Variants in PCID2 observed in about 807,000 individuals in gnomAD.
The protein encoded by PCID2 is PCI domain-containing protein 2.
In PCID2, 41 loss-of-function variants were observed where a neutral mutation model predicts 61.3. That is an observed-to-expected ratio of 0.67 (90% confidence interval 0.52 to 0.87). The LOEUF (loss-of-function observed/expected upper bound fraction) is 0.87, where lower values mean the gene tolerates loss of function less well. Among genes scored for constraint, PCID2 ranks in the 40% least tolerant of loss-of-function variants. The probability of loss-of-function intolerance (pLI) is 0.00; values close to 1 mark genes in which losing one functional copy is unlikely to be tolerated. For synonymous variants in PCID2, 187 were observed against 177.8 expected, an observed-to-expected ratio of 1.05 and a Z score of -0.41; for missense variants, 392 against 493.4, an observed-to-expected ratio of 0.79 and a Z score of 1.95.
rs894155810 is a variant in PCID2, at chr13:113,179,825, T to G, written c.986+92A>C. On this transcript the variant is annotated intron_variant, in intron 12 of 13. Coordinates refer to ENST00000337344, the MANE Select transcript of PCID2 (RefSeq NM_001127202.4). The surrounding 1 kb of genome is among the most constrained non-coding windows in gnomAD (Gnocchi z 4.3). ...GAAGATAACGACCCCACCCACACGG[T>G]GGCCTTCTCTCTTAGACTGCAACAG... is the stretch of plus-strand genomic sequence containing the variant. The G allele has an allele frequency of 3.9e-6, 5 of 1,282,754 alleles. No homozygotes were observed. In the African/African-American group the frequency reaches 7.5e-5, roughly 19 times the overall value. The allele number at this position is 1,282,754 out of a possible 1,614,324, so 79.5% of individuals were successfully genotyped here.
intron 2 of PCID2, among the ~76,000 whole-genome samples, chr13:113,199,060 T>C (rs574571070): frequency 1.3e-5 from 2 of 152,338 alleles, no homozygotes; most frequent in South Asian, 2.1e-4. Flanking sequence ...TTTTAGATAA[T>C]CTGAACATCT....
chr13:113,207,907 A>G lies in PCID2; in HGVS notation c.36+692T>C, dbSNP rs113880187. ...CAAATATTTTAAAAATCCATTCCCT[A>G]TATTTCCTATCCCTGTTACCACAGT... On this transcript the variant is annotated intron_variant, in intron 1 of 13. Transcript: ENST00000337344. The G allele has an allele frequency of 5.3e-3, 4,855 of 909,988 alleles. 130 individuals carry two copies. The African/African-American group carries it at 0.064, about 12-fold the overall frequency. 56.4% of individuals were successfully genotyped at this position (909,988 alleles called of 1,614,324 possible). A position where few individuals can be genotyped will look rare whatever the true frequency, so the allele number is the denominator to read the frequency against.
intron 7 of PCID2, chr13:113,186,872 A>G (rs2038161535): frequency 6.6e-6 from 1 of 152,264 alleles, no homozygotes; most frequent in African/African-American, 2.4e-5. Context: ...ACAAAAATAC[A>G]AAAGTGCCCA....
intron 1 of PCID2, among the ~76,000 whole-genome samples, chr13:113,205,563 G>A (rs2039746042): frequency 6.6e-6 from 1 of 152,210 alleles, no homozygotes; most frequent in South Asian, 2.1e-4. Flanking sequence ...CACAGCAGCA[G>A]CACAACAGCC....
intron 9 of PCID2, chr13:113,183,706 A>AAG (rs752950775): frequency 1.2e-5 from 11 of 947,742 alleles, no homozygotes; most frequent in Non-Finnish European, 1.4e-5. Context: ...AGCACAAGAG[A>AAG]AGAGATCACC....
downstream of PCID2, among the ~76,000 whole-genome samples, chr13:113,173,955 G>A (rs1411100143): frequency 4.6e-5 from 7 of 152,018 alleles, no homozygotes; most frequent in South Asian, 4.2e-4. Flanking sequence ...CAGTCCAGGC[G>A]CAGTAGCTCA....
intron 1 of PCID2, among the ~76,000 whole-genome samples, chr13:113,201,418 C>T (rs760488230): frequency 2.7e-4 from 41 of 152,292 alleles, no homozygotes; most frequent in African/African-American, 7.9e-4. Context: ...CGCAGAACGT[C>T]GGGTGGAGAC....
Position 113,179,941 on chromosome 13 carries a change from GTGA to G in PCID2, c.959_961del (p.Ile320del), listed in dbSNP as rs1339631956. The G allele has an allele frequency of 6.2e-7, 1 of 1,613,586 alleles. No individual in the cohort carries two copies. The highest frequency in any genetic ancestry group is 8.5e-7 in the Non-Finnish European group (1 of 1,179,838). On this transcript the variant is annotated inframe_deletion, in exon 12 of 14. Transcript: ENST00000337344. The surrounding 1 kb of genome is among the most constrained non-coding windows in gnomAD (Gnocchi z 4.3). ...CACTTTCTTAAAGAGGTTCCTGTAG[GTGA>G]TGATCTTCAGCTTCTCCAGGATGAG...
chr13:113,208,386 G>T lies in PCID2; in HGVS notation c.36+213C>A. 2.8e-6 allele frequency: 4 copies of T among 1,439,312 alleles called. No individual in the cohort carries two copies. In the South Asian group the frequency reaches 4.4e-5, roughly 16 times the overall value. 89.2% of individuals were successfully genotyped at this position (1,439,312 alleles called of 1,614,324 possible). On this transcript the variant is annotated intron_variant, in intron 1 of 13. Coordinates refer to ENST00000337344, the MANE Select transcript of PCID2 (RefSeq NM_001127202.4). ...CTCCGCGATCCACGGACACCGCCCG[G>T]CCCCCACGGCGGCCCTGCAGGGGAG...
At chr13:113,171,865 T>C in the PCID2 span, 3 of 1,613,532 alleles carry the variant, frequency 1.9e-6, no homozygotes, top group Non-Finnish European at 2.5e-6. The surrounding 1 kb of genome is among the most constrained non-coding windows in gnomAD (Gnocchi z 5.1). Flanking sequence ...CTGTCACACT[T>C]GTGGAGGGGG....
At chr13:113,191,606 T>A (rs79546648) in intron 6 of PCID2, among the ~76,000 whole-genome samples, 18 of 152,268 alleles carry the variant, frequency 1.2e-4, no homozygotes, top group African/African-American at 4.1e-4. Flanking sequence ...ATAAAAACGT[T>A]TAACAAATAT....
At chr13:113,171,685 C>T in the PCID2 span, 1 of 1,613,928 alleles carries the variant, frequency 6.2e-7, no homozygotes, top group Non-Finnish European at 8.5e-7. The surrounding 1 kb of genome is among the most constrained non-coding windows in gnomAD (Gnocchi z 5.1). Context: ...GGGAGAATGA[C>T]CTGTCACTGC....
chr13:113,208,128 G>T, intron 1 of PCID2: 1 of 1,607,818 alleles, frequency 6.2e-7, no homozygotes, highest in Non-Finnish European at 8.5e-7. Flanking sequence ...CGAGGGGCAC[G>T]AGCCCGGCCT....
chr13:113,169,180 T>TATCA, the PCID2 span, among the ~76,000 whole-genome samples: 1 of 152,258 alleles, frequency 6.6e-6, no homozygotes, highest in African/African-American at 2.4e-5. Context: ...TTACTTTTGA[T>TATCA]AGTTTCTGTT....
chr13:113,201,279 T>C (rs1246468081), intron 1 of PCID2, among the ~76,000 whole-genome samples: 2 of 151,124 alleles, frequency 1.3e-5, no homozygotes, highest in Admixed American at 1.3e-4. Flanking sequence ...GATGATTAAA[T>C]GAAAAAAAAA....
At chr13:113,202,641 G>A (rs2039513202) in intron 1 of PCID2, among the ~76,000 whole-genome samples, 2 of 152,210 alleles carry the variant, frequency 1.3e-5, no homozygotes, top group Non-Finnish European at 2.9e-5. Context: ...TGTATAGAAT[G>A]CTGCGTCTTG....
At chr13:113,206,230 G>C (rs1345472815) in intron 1 of PCID2, among the ~76,000 whole-genome samples, 1 of 152,202 alleles carries the variant, frequency 6.6e-6, no homozygotes, top group Non-Finnish European at 1.5e-5. Context: ...AGCCTGTTTA[G>C]AGATGGAGAG....
At chr13:113,198,633 TG>T (rs1179217281) in intron 2 of PCID2, among the ~76,000 whole-genome samples, 2 of 151,924 alleles carry the variant, frequency 1.3e-5, no homozygotes, top group Non-Finnish European at 2.9e-5. Flanking sequence ...TGAACATGGG[TG>T]GGGGAGGTTG....
intron 7 of PCID2, among the ~76,000 whole-genome samples, chr13:113,189,265 G>A (rs941057411): frequency 3.9e-5 from 6 of 152,014 alleles, no homozygotes; most frequent in Non-Finnish European, 2.9e-5. Flanking sequence ...CATGCTTCTT[G>A]TGCAACCTGC....
Sources: allele counts gnomAD v4.1 joint callset (sites outside exome capture counted in the v4.1 genomes callset), GRCh38; gene constraint gnomAD v4.1.1; non-coding constraint Gnocchi (gnomAD v3.1); transcripts MANE v1.5; gene names NCBI Gene and HGNC (gene_info 2026-07-23, HGNC 2026-07-21).